VIPR2: variants seen among roughly 807,000 people sequenced by gnomAD.
VIPR2 encodes vasoactive intestinal peptide receptor 2.
VIPR2 carries 48 observed loss-of-function variants against 58.0 expected under a neutral mutation model. That is an observed-to-expected ratio of 0.83 (90% CI 0.66 to 1.05). The LOEUF (loss-of-function observed/expected upper bound fraction) is 1.05, where lower values mean the gene tolerates loss of function less well. VIPR2 is among the 50% of genes least tolerant of loss of function. The probability of loss-of-function intolerance (pLI) is 0.00; values close to 1 mark genes in which losing one functional copy is unlikely to be tolerated. For synonymous variants in VIPR2, 243 were observed against 235.2 expected, an observed-to-expected ratio of 1.03 and a Z score of -0.30; for missense variants, 534 against 558.0, an observed-to-expected ratio of 0.96 and a Z score of 0.43.
At chr7:159,072,568 CAA>C (rs1397746932) in intron 4 of VIPR2, among the ~76,000 whole-genome samples, 1 of 152,136 alleles carries the variant, frequency 6.6e-6, no homozygotes, top group Non-Finnish European at 1.5e-5. Flanking sequence ...ATTATAATAA[CAA>C]GAGCACAAAA....
rs139629512 is a variant in VIPR2 at position 159,113,343 on chromosome 7, C to G, written c.152-3424G>C. On this transcript the variant is annotated intron_variant, in intron 2 of 12. Transcript: ENST00000262178. ...TGCATGCAGCCCCTGTCACATACCCCCTGGCTTGCTCAATCAATCATGACC... is the reference window on the plus strand; with the variant it reads ...TGCATGCAGCCCCTGTCACATACCCGCTGGCTTGCTCAATCAATCATGACC... 6.7e-4 allele frequency among the ~76,000 whole-genome samples: 102 copies of G among 152,334 alleles called. 1 individual carries two copies. In the East Asian group the frequency reaches 0.017, roughly 25 times the overall value.
intron 4 of VIPR2, among the ~76,000 whole-genome samples, chr7:159,062,990 GACACA>G (rs1378709080): frequency 6.6e-6 from 1 of 152,224 alleles, no homozygotes; most frequent in Non-Finnish European, 1.5e-5. Flanking sequence ...TCTTGAGCTA[GACACA>G]GGGTGTTGAC....
intron 6 of VIPR2, among the ~76,000 whole-genome samples, chr7:159,042,789 C>T (rs540938693): frequency 8.4e-4 from 128 of 152,320 alleles, no homozygotes; most frequent in South Asian, 1.9e-3. Context: ...GCTCAGGGCC[C>T]TTTCACTTCC....
chr7:159,137,669 G>A (rs372360256), intron 2 of VIPR2, among the ~76,000 whole-genome samples: 3 of 152,098 alleles, frequency 2.0e-5, no homozygotes, highest in African/African-American at 4.8e-5. Flanking sequence ...ATTGCACCAG[G>A]CATAAAGACA....
At chr7:159,085,318 C>T (rs1857115564) in intron 4 of VIPR2, among the ~76,000 whole-genome samples, 1 of 152,134 alleles carries the variant, frequency 6.6e-6, no homozygotes, top group Admixed American at 6.5e-5. Context: ...TTTTTTGAGA[C>T]GGAGCCTTGC....
intron 2 of VIPR2, among the ~76,000 whole-genome samples, chr7:159,135,387 G>A (rs992899382): frequency 7.3e-5 from 11 of 150,484 alleles, no homozygotes; most frequent in South Asian, 2.1e-4. Context: ...AGCCCAGATC[G>A]CACCCCTGCA....
chr7:159,123,287 G>GT (rs1339582312), intron 2 of VIPR2, among the ~76,000 whole-genome samples: 11 of 10,650 alleles, frequency 1.0e-3, no homozygotes, highest in Non-Finnish European at 1.4e-3. Context: ...GCAAGACTCT[G>GT]TAAAAAAAAA....
chr7:159,060,133 C>A (rs1234989179), intron 4 of VIPR2, among the ~76,000 whole-genome samples: 2 of 149,882 alleles, frequency 1.3e-5, no homozygotes, highest in African/African-American at 4.9e-5. Context: ...CTCACCTAAC[C>A]ATCACCCTCA....
intron 2 of VIPR2, among the ~76,000 whole-genome samples, chr7:159,130,617 C>T (rs1056395092): frequency 3.9e-5 from 6 of 152,168 alleles, no homozygotes; most frequent in Admixed American, 2.0e-4. Flanking sequence ...TAGCACCCCC[C>T]AATCCCCAAA....
intron 3 of VIPR2, among the ~76,000 whole-genome samples, chr7:159,107,060 C>T (rs982602068): frequency 2.0e-5 from 3 of 152,070 alleles, no homozygotes; most frequent in South Asian, 2.1e-4. Flanking sequence ...TGCAGGATGA[C>T]GAATACTTGA....
chr7:159,085,587 G>A (rs534682361), intron 4 of VIPR2, among the ~76,000 whole-genome samples: 4 of 152,224 alleles, frequency 2.6e-5, no homozygotes, highest in Non-Finnish European at 5.9e-5. Flanking sequence ...GGGCCACCGC[G>A]CCCGGCCTCA....
intron 4 of VIPR2, among the ~76,000 whole-genome samples, chr7:159,060,345 C>A (rs1165118418): frequency 6.6e-6 from 1 of 151,796 alleles, no homozygotes; most frequent in Non-Finnish European, 1.5e-5. Flanking sequence ...CCTCATCCAA[C>A]CACCATTCTC....
intron 4 of VIPR2, among the ~76,000 whole-genome samples, chr7:159,084,263 C>A (rs544533101): frequency 1.3e-5 from 2 of 152,220 alleles, no homozygotes; most frequent in African/African-American, 2.4e-5. Context: ...GCAGGCCGCA[C>A]GAGGTGTGGG....
At position 159,031,906 on chromosome 7, in the gene VIPR2, T is replaced by C; in HGVS notation, c.1101+32A>G. 6.2e-7 allele frequency: 1 copy of C among 1,613,952 alleles called. No homozygotes were observed. The highest frequency in any genetic ancestry group is 1.1e-5 in the South Asian group (1 of 91,076). On this transcript the variant is annotated intron_variant, in intron 11 of 12. Transcript: ENST00000262178. This position sits in a 1 kb window ranked among gnomAD's most constrained non-coding sequence, Gnocchi z 4.0. ...AGAGATGGTCAGGCAGGACCCGCGC[T>C]CGGGGGAGGGCGGCCGCCTCCGCAC...
rs775675331 is a variant in VIPR2 at position 159,096,828 on chromosome 7, G to A, written c.357+6929C>T. 162 of 1,469,294 alleles carry A rather than the reference G, an allele frequency of 1.1e-4. 2 individuals carry two copies. Among genetic ancestry groups the A allele is most frequent in the East Asian group, 6.1e-4 (24 of 39,488 alleles). The allele number at this position is 1,469,294 out of a possible 1,614,324, so 91.0% of individuals were successfully genotyped here. A position where few individuals can be genotyped will look rare whatever the true frequency, so the allele number is the denominator to read the frequency against. On this transcript the variant is annotated intron_variant, in intron 4 of 12. Transcript: ENST00000262178. This position sits in a 1 kb window ranked among gnomAD's most constrained non-coding sequence, Gnocchi z 5.5. Reference sequence around the variant, plus strand: ...CAGCCACAGGCCCAGCTCTTGTCCCGGCCCACCTCGGGATGCTTCCGCCGT... The same window carrying A: ...CAGCCACAGGCCCAGCTCTTGTCCCAGCCCACCTCGGGATGCTTCCGCCGT...
In VIPR2 at chr7:159,043,192, G is replaced by A. The variant is rs1490476542; in HGVS notation, c.456-16C>T. ...GTGCAGCTTCCTGAGGTGGGGGAGT[G>A]GGAGAGAGAGGAATTGGAGGGGGAA... On this transcript the variant is annotated splice_polypyrimidine_tract_variant and intron_variant, in intron 5 of 12. Transcript: ENST00000262178. The A allele has an allele frequency of 6.2e-7, 1 of 1,602,404 alleles. No homozygotes were observed.
At chr7:159,060,163 T>A (rs1027352788) in intron 4 of VIPR2, among the ~76,000 whole-genome samples, 1 of 146,748 alleles carries the variant, frequency 6.8e-6, no homozygotes, top group African/African-American at 2.5e-5. Context: ...ATCACCACCT[T>A]CACTCACCTA....
Position 159,028,854 on chromosome 7 carries a change from C to T in VIPR2, c.*1762G>A, listed in dbSNP as rs991355883. On this transcript the variant is annotated 3_prime_UTR_variant, in exon 13 of 13. Transcript: ENST00000262178. ...AGAAATGGTGGGTTGTTCTGTAGAT[C>T]CGACCGCCTCACCTGTCTCCCCAAA... 1 of 150,814 alleles carries T rather than the reference C, an allele frequency of 6.6e-6. No homozygotes were observed. The highest frequency in any genetic ancestry group is 6.6e-5 in the Admixed American group (1 of 15,232). The allele number at this position is 150,814 out of a possible 1,614,324, so 9.3% of individuals were successfully genotyped here. A position where few individuals can be genotyped will look rare whatever the true frequency, so the allele number is the denominator to read the frequency against.
At chr7:159,083,882 G>A (rs3793224) in intron 4 of VIPR2, among the ~76,000 whole-genome samples, 19,435 of 152,228 alleles carry the variant, frequency 0.13, 1,442 homozygotes, top group East Asian at 0.16. Flanking sequence ...CTGACTCTGC[G>A]TCTGCTGCAG....
Sources: allele counts gnomAD v4.1 joint callset (sites outside exome capture counted in the v4.1 genomes callset), GRCh38; gene constraint gnomAD v4.1.1; non-coding constraint Gnocchi (gnomAD v3.1); transcripts MANE v1.5; gene names NCBI Gene and HGNC (gene_info 2026-07-23, HGNC 2026-07-21).